The following TENM3 variants were observed in gnomAD, a reference collection of about 807,000 sequenced individuals.
TENM3 encodes teneurin transmembrane protein 3.
TENM3 carries 63 observed loss-of-function variants against 255.1 expected under a neutral mutation model. That is an observed-to-expected ratio of 0.25 (90% confidence interval 0.20 to 0.30). The LOEUF (loss-of-function observed/expected upper bound fraction) is 0.30, where lower values mean the gene tolerates loss of function less well. Ranked by LOEUF, TENM3 falls within the 10% of genes least tolerant of loss-of-function variation. TENM3 has a pLI of 1.00. For missense variants in TENM3, 2,929 were observed against 3,461.1 expected, an observed-to-expected ratio of 0.85 and a Z score of 3.86; for synonymous variants, 1,306 against 1,322.3, an observed-to-expected ratio of 0.99 and a Z score of 0.27.
the TENM3 span, among the ~76,000 whole-genome samples, chr4:181,665,053 C>T: frequency 1.3e-5 from 2 of 152,164 alleles, no homozygotes; most frequent in African/African-American, 4.8e-5. Context: ...TCTAATCTCA[C>T]TAAAGGAGAA....
At chr4:182,213,590 C>T (rs1450000045) in intron 1 of TENM3, among the ~76,000 whole-genome samples, 1 of 152,150 alleles carries the variant, frequency 6.6e-6, no homozygotes, top group East Asian at 1.9e-4. Context: ...TTGTGAATGT[C>T]TCATTAGGAA....
the TENM3 span, among the ~76,000 whole-genome samples, chr4:182,039,639 C>CAT: frequency 6.6e-6 from 1 of 151,914 alleles, no homozygotes; most frequent in Admixed American, 6.6e-5. Context: ...CATATACATA[C>CAT]ATACATGACA....
At chr4:181,797,317 G>A in the TENM3 span, among the ~76,000 whole-genome samples, 1 of 152,012 alleles carries the variant, frequency 6.6e-6, no homozygotes, top group Admixed American at 6.5e-5. Flanking sequence ...AATACATAAT[G>A]GTGAAAGGGA....
At chr4:182,278,260 G>T (rs372491834) in intron 1 of TENM3, among the ~76,000 whole-genome samples, 1 of 152,072 alleles carries the variant, frequency 6.6e-6, no homozygotes, top group African/African-American at 2.4e-5. Context: ...CCAGCTACTC[G>T]GGAGGCTGAG....
chr4:181,570,911 G>A, the TENM3 span, among the ~76,000 whole-genome samples: 1,607 of 152,342 alleles, frequency 0.011, 9 homozygotes, highest in South Asian at 0.046. Flanking sequence ...ATGGGGGAAG[G>A]CAGGAGCACT....
At chr4:182,529,825 C>CAATT (rs1739593699) in intron 3 of TENM3, among the ~76,000 whole-genome samples, 1 of 152,284 alleles carries the variant, frequency 6.6e-6, no homozygotes, top group East Asian at 1.9e-4. Context: ...GAAAAGTCAA[C>CAATT]AATTACCATA....
the TENM3 span, among the ~76,000 whole-genome samples, chr4:181,777,889 G>A: frequency 6.6e-6 from 1 of 152,094 alleles, no homozygotes; most frequent in African/African-American, 2.4e-5. Context: ...AGCTGAGACA[G>A]AATCTCATTG....
At chr4:181,917,647 C>A in the TENM3 span, among the ~76,000 whole-genome samples, 1 of 148,922 alleles carries the variant, frequency 6.7e-6, no homozygotes, top group African/African-American at 2.5e-5. Context: ...GTTCCTCAGA[C>A]TTCTTTTTTT....
intron 1 of TENM3, among the ~76,000 whole-genome samples, chr4:182,211,220 A>C (rs1426048575): frequency 6.6e-6 from 1 of 152,176 alleles, no homozygotes; most frequent in Non-Finnish European, 1.5e-5. Context: ...CATTCAACCC[A>C]CGAGAGACGT....
chr4:181,806,584 T>G, the TENM3 span, among the ~76,000 whole-genome samples: 58 of 152,364 alleles, frequency 3.8e-4, 1 homozygote, highest in Admixed American at 9.1e-4. Flanking sequence ...CCTCCTGCCC[T>G]GTGAGGAACA....
intron 3 of TENM3, among the ~76,000 whole-genome samples, chr4:182,538,769 A>AG (rs1740583177): frequency 6.6e-6 from 1 of 152,166 alleles, no homozygotes; most frequent in Non-Finnish European, 1.5e-5. Flanking sequence ...TGGATGTAAA[A>AG]GCAAAGGAAA....
intron 1 of TENM3, among the ~76,000 whole-genome samples, chr4:182,228,372 G>GTATATATATATATA (rs1561218824): frequency 4.6e-4 from 43 of 94,232 alleles, no homozygotes; most frequent in African/African-American, 1.7e-3. Context: ...GTGTGTGTGT[G>GTATATATATATATA]TGTGTGTGTG....
the TENM3 span, among the ~76,000 whole-genome samples, chr4:181,553,613 T>C: frequency 6.6e-6 from 1 of 151,856 alleles, no homozygotes; most frequent in Non-Finnish European, 1.5e-5. Flanking sequence ...GGCTAATTTT[T>C]TGTATTTTTA....
the TENM3 span, among the ~76,000 whole-genome samples, chr4:181,496,109 C>G: frequency 6.6e-6 from 1 of 152,144 alleles, no homozygotes; most frequent in East Asian, 1.9e-4. Flanking sequence ...ATTGAATATA[C>G]TTTGTGATCA....
chr4:182,766,394 AGACT>A (rs1007475058), intron 22 of TENM3, among the ~76,000 whole-genome samples: 3 of 152,174 alleles, frequency 2.0e-5, no homozygotes, highest in Admixed American at 6.5e-5. Context: ...AAAAAAAGAC[AGACT>A]GTCTTAAACA....
the TENM3 span, among the ~76,000 whole-genome samples, chr4:181,956,100 G>A: frequency 6.6e-6 from 1 of 152,114 alleles, no homozygotes; most frequent in Non-Finnish European, 1.5e-5. Flanking sequence ...CTGGTTTCTA[G>A]ACAGTGCCTT....
At chr4:182,160,588 C>G (rs1045738436) in intron 1 of TENM3, among the ~76,000 whole-genome samples, 3 of 152,168 alleles carry the variant, frequency 2.0e-5, no homozygotes, top group Non-Finnish European at 4.4e-5. Context: ...ATGTATCATG[C>G]AGAGAGACCA....
the TENM3 span, among the ~76,000 whole-genome samples, chr4:182,054,069 G>A: frequency 6.6e-6 from 1 of 152,068 alleles, no homozygotes; most frequent in Non-Finnish European, 1.5e-5. Flanking sequence ...AAAATCAATA[G>A]CCCAGCATTC....
At chr4:182,706,855 G>A (rs537435987) in intron 12 of TENM3, among the ~76,000 whole-genome samples, 11 of 151,954 alleles carry the variant, frequency 7.2e-5, no homozygotes, top group East Asian at 1.9e-4. Flanking sequence ...TTGGGAGGCC[G>A]AGGTGGGAGG....
Sources: allele counts gnomAD v4.1 joint callset (sites outside exome capture counted in the v4.1 genomes callset), GRCh38; gene constraint gnomAD v4.1.1; transcripts MANE v1.5; gene names NCBI Gene and HGNC (gene_info 2026-07-23, HGNC 2026-07-21).